Variants in INPP4B observed in about 807,000 individuals in gnomAD.
INPP4B encodes the protein inositol polyphosphate-4-phosphatase type II B, also known as inositol polyphosphate 4-phosphatase type II.
A neutral mutation model predicts 122.5 loss-of-function variants in INPP4B; 55 were observed. The observed-to-expected ratio is 0.45, with a 90% CI of 0.36 to 0.56. INPP4B has a LOEUF of 0.56. Among genes scored for constraint, INPP4B ranks in the 20% least tolerant of loss-of-function variants. The pLI is 0.00. For synonymous variants in INPP4B, 403 were observed against 388.7 expected, an observed-to-expected ratio of 1.04 and a Z score of -0.43; for missense variants, 1,000 against 1,097.7, an observed-to-expected ratio of 0.91 and a Z score of 1.26.
chr4:142,327,079 G>A (rs770061682), intron 7 of INPP4B, among the ~76,000 whole-genome samples: 1 of 152,078 alleles, frequency 6.6e-6, no homozygotes, highest in East Asian at 1.9e-4. Flanking sequence ...TTAGCCTCAG[G>A]GAATAGAAAC....
intron 2 of INPP4B, among the ~76,000 whole-genome samples, chr4:142,519,759 AATTT>A (rs1193517715): frequency 2.6e-5 from 4 of 152,262 alleles, no homozygotes; most frequent in African/African-American, 7.2e-5. Context: ...ACATAAAATT[AATTT>A]ATCATTAACA....
In INPP4B at chr4:142,675,715, T is replaced by A. The variant is rs563048169; in HGVS notation, c.-191+50124A>T. The stretch of plus-strand genomic sequence containing the variant: ...AACATACATAATTCAATAAGTGTAA[T>A]CCATCACATAAACAGAACCAATGAC... On this transcript the variant is annotated intron_variant, in intron 2 of 25. Transcript: ENST00000262992. Among the ~76,000 whole-genome samples the A allele has an allele frequency of 6.8e-4, 103 of 152,264 alleles. 1 individual carries two copies. Among genetic ancestry groups the A allele is most frequent in the African/African-American group, 2.4e-3 (98 of 41,554 alleles).
intron 5 of INPP4B, chr4:142,427,564 G>T: frequency 1.9e-6 from 1 of 520,776 alleles, no homozygotes; most frequent in South Asian, 3.0e-5. Flanking sequence ...GAACAAGATA[G>T]ATTCTCTTAA....
At chr4:142,800,114 T>C (rs1421071610) in intron 1 of INPP4B, among the ~76,000 whole-genome samples, 2 of 152,114 alleles carry the variant, frequency 1.3e-5, no homozygotes, top group Admixed American at 6.6e-5. Context: ...TTATATAAAA[T>C]GTTTTTGCAT....
intron 15 of INPP4B, among the ~76,000 whole-genome samples, chr4:142,174,116 A>G (rs1003939271): frequency 1.3e-5 from 2 of 152,210 alleles, no homozygotes; most frequent in African/African-American, 4.8e-5. Context: ...ATGTATGTCA[A>G]GTATTAGTAT....
rs1204765237 is a variant in INPP4B, at chr4:142,173,623, G to T, written c.1359+9C>A. 11 of 1,608,310 alleles carry T rather than the reference G, an allele frequency of 6.8e-6. No individual in the cohort carries two copies. The highest frequency in any genetic ancestry group is 9.4e-6 in the Non-Finnish European group (11 of 1,176,324). ...ATTTTCCCAACTATAGTGATGATTT[G>T]GATCTTACTTTTTCTGAAAGCATCT... On this transcript the variant is annotated intron_variant, in intron 16 of 25. Transcript: ENST00000262992.
At chr4:142,726,730 T>G (rs1000015788) in intron 1 of INPP4B, among the ~76,000 whole-genome samples, 2 of 152,180 alleles carry the variant, frequency 1.3e-5, no homozygotes, top group Non-Finnish European at 2.9e-5. Flanking sequence ...CAACATTGAT[T>G]AATTGACTAA....
At chr4:142,203,266 A>G (rs1030965226) in intron 14 of INPP4B, among the ~76,000 whole-genome samples, 1 of 152,150 alleles carries the variant, frequency 6.6e-6, no homozygotes, top group Non-Finnish European at 1.5e-5. Context: ...GCAGTTATAT[A>G]AAGAAGGCTT....
chr4:142,661,317 G>A (rs937162346), intron 2 of INPP4B, among the ~76,000 whole-genome samples: 3 of 152,096 alleles, frequency 2.0e-5, no homozygotes, highest in African/African-American at 4.8e-5. Context: ...AAAAACATAT[G>A]GGCAGTAATA....
intron 23 of INPP4B, among the ~76,000 whole-genome samples, chr4:142,098,551 C>T (rs1578891153): frequency 1.3e-5 from 2 of 152,088 alleles, no homozygotes; most frequent in East Asian, 3.9e-4. Context: ...GGGTTTTGCA[C>T]AGGGTAGTAG....
Position 142,361,757 on chromosome 4 carries a change from AT to A in INPP4B, c.372+41180del, listed in dbSNP as rs551730213. On this transcript the variant is annotated intron_variant, in intron 7 of 25. Coordinates refer to ENST00000262992, the MANE Select transcript of INPP4B (RefSeq NM_001101669.3). ...GGTCTGTAATGACCATTTCTACCTT[AT>A]TTATAGGTGGATATTGTCACCTTTT... is the stretch of plus-strand genomic sequence containing the variant. Among the ~76,000 whole-genome samples, 698 of 152,028 alleles carry A rather than the reference AT, an allele frequency of 4.6e-3. 2 individuals are homozygous for A. The highest frequency in any genetic ancestry group is 0.02 in the Middle Eastern group (6 of 294).
chr4:142,507,633 G>A (rs917258368), intron 2 of INPP4B, among the ~76,000 whole-genome samples: 5 of 151,982 alleles, frequency 3.3e-5, no homozygotes, highest in Non-Finnish European at 7.4e-5. Flanking sequence ...ATGAATCTCA[G>A]TTTGGGAAAT....
intron 5 of INPP4B, among the ~76,000 whole-genome samples, chr4:142,420,841 G>C (rs1806721934): frequency 2.6e-5 from 4 of 152,082 alleles, no homozygotes; most frequent in Non-Finnish European, 5.9e-5. Flanking sequence ...GCAAGTGATG[G>C]CAATTACTAT....
At chr4:142,605,406 A>T (rs1468492257) in intron 2 of INPP4B, among the ~76,000 whole-genome samples, 2 of 152,070 alleles carry the variant, frequency 1.3e-5, no homozygotes, top group Non-Finnish European at 2.9e-5. Flanking sequence ...CACAGGCAAT[A>T]AAAACAGAAA....
At chr4:142,090,706 C>CTT (rs35383661) in intron 23 of INPP4B, among the ~76,000 whole-genome samples, 39 of 149,472 alleles carry the variant, frequency 2.6e-4, no homozygotes, top group Middle Eastern at 3.5e-3. Context: ...TAATAGTATT[C>CTT]TTTTTTTTTT....
intron 23 of INPP4B, among the ~76,000 whole-genome samples, chr4:142,097,234 T>TATTTTATTTC (rs1782285368): frequency 6.8e-6 from 1 of 146,956 alleles, no homozygotes; most frequent in Admixed American, 6.8e-5. Context: ...ATTTTTATTT[T>TATTTTATTTC]ATTTTATTTT....
chr4:142,780,553 C>CT (rs1277262049), intron 1 of INPP4B, among the ~76,000 whole-genome samples: 1 of 152,070 alleles, frequency 6.6e-6, no homozygotes, highest in Non-Finnish European at 1.5e-5. Context: ...AATCCCAGCA[C>CT]TTTGGGAGGC....
intron 17 of INPP4B, among the ~76,000 whole-genome samples, chr4:142,146,802 C>T (rs1579072953): frequency 6.6e-6 from 1 of 152,132 alleles, no homozygotes; most frequent in South Asian, 2.1e-4. Flanking sequence ...TAATATTATA[C>T]ACTAGAGCTA....
chr4:142,597,846 T>C (rs1447682343), intron 2 of INPP4B, among the ~76,000 whole-genome samples: 1 of 152,066 alleles, frequency 6.6e-6, no homozygotes. Flanking sequence ...AAACAAAAAT[T>C]TACAGTTTGA....
Sources: gnomAD v4.1 joint callset for allele counts (sites outside exome capture counted in the v4.1 genomes callset) on GRCh38, gnomAD v4.1.1 for gene constraint, MANE v1.5 for transcripts, NCBI Gene and HGNC (gene_info 2026-07-23, HGNC 2026-07-21) for gene names.